Variants in DLC1 observed in about 807,000 individuals in gnomAD.
DLC1 encodes the protein rho GTPase-activating protein 7.
DLC1 carries 54 observed loss-of-function variants against 140.3 expected under a neutral mutation model. The observed-to-expected ratio is 0.38, with a 90% CI of 0.31 to 0.48. The LOEUF (loss-of-function observed/expected upper bound fraction) is 0.48. DLC1 is among the 20% of genes least tolerant of loss of function. DLC1 has a pLI of 0.96. For missense variants in DLC1, 2,536 were observed against 1,907.0 expected (o/e 1.33, Z -6.14); for synonymous variants, 986 against 728.1 (o/e 1.35, Z -5.70).
intron 1 of DLC1, among the ~76,000 whole-genome samples, chr8:13,586,451 G>T (rs1805314225): frequency 5.3e-5 from 8 of 152,130 alleles, no homozygotes; most frequent in Admixed American, 5.2e-4. Flanking sequence ...GTCATCAGCA[G>T]ATGTTAAAGA....
chr8:13,180,417 T>A (rs558560416), intron 5 of DLC1, among the ~76,000 whole-genome samples: 1 of 152,202 alleles, frequency 6.6e-6, no homozygotes, highest in Non-Finnish European at 1.5e-5. Context: ...TCTTTAGTAC[T>A]CTAAGTTCAT....
chr8:13,550,203 T>A (rs1334249145), intron 1 of DLC1, among the ~76,000 whole-genome samples: 1 of 152,058 alleles, frequency 6.6e-6, no homozygotes, highest in East Asian at 1.9e-4. Context: ...CCCCATGCTG[T>A]GCTTGTGATA....
At chr8:13,326,644 A>G (rs991618065) in intron 4 of DLC1, among the ~76,000 whole-genome samples, 3 of 152,116 alleles carry the variant, frequency 2.0e-5, no homozygotes, top group Admixed American at 1.3e-4. Context: ...TGGGACTCCT[A>G]GGTATTCCCT....
In DLC1 at chr8:13,132,867, GACACTTTCTC is replaced by G. The variant is rs1822232185; in HGVS notation, c.1349-17220_1349-17211del. 3.3e-5 allele frequency: 51 copies of G among 1,525,198 alleles called. 1 individual carries two copies. In the South Asian group the frequency reaches 5.6e-4, roughly 17 times the overall value. 94.5% of individuals were successfully genotyped at this position (1,525,198 alleles called of 1,614,324 possible). A position where few individuals can be genotyped will look rare whatever the true frequency, so the allele number is the denominator to read the frequency against. ...AGGCACCGACTTGACAAGGCGGGGTGACACTTTCTCGCGGCGGGTCCCCTCCGCAGCCCGC... is the reference window on the plus strand; with the variant it reads ...AGGCACCGACTTGACAAGGCGGGGTGGCGGCGGGTCCCCTCCGCAGCCCGC... On this transcript the variant is annotated intron_variant, in intron 5 of 17. Transcript: ENST00000276297.
intron 2 of DLC1, among the ~76,000 whole-genome samples, chr8:13,421,189 C>G (rs1449365987): frequency 2.6e-5 from 4 of 151,746 alleles, no homozygotes; most frequent in African/African-American, 7.3e-5. Flanking sequence ...ATAACTATTT[C>G]TTTCATTGAG....
intron 1 of DLC1, chr8:13,567,180 C>G: frequency 6.4e-7 from 1 of 1,551,784 alleles, no homozygotes; most frequent in Non-Finnish European, 8.7e-7. Flanking sequence ...AGACTCCAAG[C>G]TTGGAACAAG....
At chr8:13,370,346 G>T (rs533571030) in intron 4 of DLC1, among the ~76,000 whole-genome samples, 2 of 152,126 alleles carry the variant, frequency 1.3e-5, no homozygotes, top group East Asian at 1.9e-4. Flanking sequence ...CATACAGTAG[G>T]TGTTTGATGA....
intron 5 of DLC1, among the ~76,000 whole-genome samples, chr8:13,188,799 G>GTGTATATATATATATATATATA (rs1826542953): frequency 1.3e-5 from 1 of 79,552 alleles, no homozygotes; most frequent in Non-Finnish European, 2.4e-5. Context: ...GTGTGTGTGT[G>GTGTATATATATATATATATATA]TGTATATATA....
rs33974466 is a variant in DLC1, at chr8:13,489,583, GAA to G, written c.1023+9464_1023+9465del. Among the ~76,000 whole-genome samples, 231 of 149,776 alleles carry G rather than the reference GAA, an allele frequency of 1.5e-3. 1 individual carries two copies. Among genetic ancestry groups the G allele is most frequent in the African/African-American group, 5.3e-3 (215 of 40,796 alleles). On this transcript the variant is annotated intron_variant, in intron 2 of 17. Transcript: ENST00000276297. ...AGATGGAGAATCCTGTTATACAAAT[GAA>G]AAAAAAAAACTGTGCCATAGAGAGA...
intron 5 of DLC1, among the ~76,000 whole-genome samples, chr8:13,237,167 C>A (rs1192050722): frequency 6.8e-6 from 1 of 147,470 alleles, no homozygotes; most frequent in Non-Finnish European, 1.5e-5. Flanking sequence ...ACACAATGAT[C>A]CTGGGGAGGA....
At chr8:13,348,952 A>T (rs1834503364) in intron 4 of DLC1, among the ~76,000 whole-genome samples, 1 of 152,146 alleles carries the variant, frequency 6.6e-6, no homozygotes, top group Non-Finnish European at 1.5e-5. Context: ...CAGAAATTGG[A>T]GGCAGCAGCC....
At chr8:13,506,820 C>CGAA (rs1450406834) in intron 1 of DLC1, among the ~76,000 whole-genome samples, 1 of 151,920 alleles carries the variant, frequency 6.6e-6, no homozygotes, top group African/African-American at 2.4e-5. Context: ...AGCATATGAA[C>CGAA]GAAGAAGAAG....
intron 5 of DLC1, among the ~76,000 whole-genome samples, chr8:13,153,867 G>A (rs774844952): frequency 4.6e-5 from 7 of 152,114 alleles, no homozygotes; most frequent in African/African-American, 1.7e-4. Flanking sequence ...GCTGATTGGT[G>A]TATTTACAGT....
intron 1 of DLC1, among the ~76,000 whole-genome samples, chr8:13,581,023 G>A (rs866030944): frequency 1.3e-5 from 2 of 152,218 alleles, no homozygotes; most frequent in Non-Finnish European, 2.9e-5. Context: ...GGCAGGAGAA[G>A]AGAAAGCGGT....
chr8:13,369,891 A>C (rs1200253997), intron 4 of DLC1, among the ~76,000 whole-genome samples: 1 of 143,088 alleles, frequency 7.0e-6, no homozygotes, highest in African/African-American at 2.6e-5. Context: ...TCAGAATAGA[A>C]GTCAAAGTCA....
At chr8:13,517,932 A>T (rs188514456), upstream of DLC1, among the ~76,000 whole-genome samples, 63 of 152,258 alleles carry the variant, frequency 4.1e-4, no homozygotes, top group South Asian at 2.3e-3. Context: ...GCCTTTTTTA[A>T]TGTTTACATC....
At chr8:13,207,271 T>C (rs1411632532) in intron 5 of DLC1, among the ~76,000 whole-genome samples, 2 of 152,190 alleles carry the variant, frequency 1.3e-5, no homozygotes, top group African/African-American at 4.8e-5. Flanking sequence ...TTTCAAGACA[T>C]CAAGGCATAT....
chr8:13,290,148 C>T (rs17128435), intron 5 of DLC1, among the ~76,000 whole-genome samples: 9,690 of 152,142 alleles, frequency 0.064, 358 homozygotes, highest in South Asian at 0.12. Context: ...TGGTAGTCAT[C>T]GAGTGCCATG....
intron 5 of DLC1, among the ~76,000 whole-genome samples, chr8:13,270,322 A>G (rs1036434313): frequency 3.3e-5 from 5 of 152,208 alleles, no homozygotes; most frequent in African/African-American, 1.2e-4. Flanking sequence ...TACTTTAAAT[A>G]AAGAAAGTCA....
Sources: gnomAD v4.1 joint callset for allele counts (sites outside exome capture counted in the v4.1 genomes callset) on GRCh38, gnomAD v4.1.1 for gene constraint, MANE v1.5 for transcripts, NCBI Gene and HGNC (gene_info 2026-07-23, HGNC 2026-07-21) for gene names.